C12orf42: variants seen among roughly 807,000 people sequenced by gnomAD.
C12orf42 encodes the protein chromosome 12 open reading frame 42.
Under a neutral mutation model 21.6 loss-of-function variants are expected in C12orf42, and 25 were observed. The ratio of observed to expected loss-of-function variants is 1.16; its 90% confidence interval spans 0.84 to 1.62. The LOEUF (loss-of-function observed/expected upper bound fraction) is 1.62, where lower values mean the gene tolerates loss of function less well. Ranked by LOEUF, C12orf42 falls within the 40% of genes most tolerant of loss-of-function variation. The pLI is 0.00. For synonymous variants in C12orf42, 174 were observed against 175.0 expected (o/e 0.99, Z 0.05); for missense variants, 483 against 459.3 (o/e 1.05, Z -0.47).
At chr12:103,375,516 T>C (rs2138063238) in intron 3 of C12orf42, among the ~76,000 whole-genome samples, 1 of 152,282 alleles carries the variant, frequency 6.6e-6, no homozygotes, top group East Asian at 1.9e-4. Flanking sequence ...AGTAAAGGAA[T>C]GTGCAGAAAG....
chr12:103,304,268 C>T (rs1566041208), intron 5 of C12orf42, among the ~76,000 whole-genome samples: 1 of 152,106 alleles, frequency 6.6e-6, no homozygotes, highest in Non-Finnish European at 1.5e-5. Flanking sequence ...TATTTGAATG[C>T]TCAGTATGTG....
At chr12:103,529,879 G>A in the C12orf42 span, among the ~76,000 whole-genome samples, 1 of 152,022 alleles carries the variant, frequency 6.6e-6, no homozygotes, top group East Asian at 1.9e-4. Context: ...CCTTTCAGCT[G>A]CCTTTCCTCC....
intron 2 of C12orf42, among the ~76,000 whole-genome samples, chr12:103,407,683 A>T (rs2048526537): frequency 1.3e-5 from 2 of 152,174 alleles, no homozygotes; most frequent in African/African-American, 4.8e-5. Context: ...GGGAGTCAAA[A>T]GTTATGCATG....
At chr12:103,421,135 T>A (rs1025743736) in intron 2 of C12orf42, among the ~76,000 whole-genome samples, 3 of 152,046 alleles carry the variant, frequency 2.0e-5, no homozygotes, top group African/African-American at 7.3e-5. Flanking sequence ...GCAACTTCTG[T>A]CTCACAGTGC....
chr12:103,345,323 G>A (rs998051008), intron 4 of C12orf42, among the ~76,000 whole-genome samples: 1 of 152,172 alleles, frequency 6.6e-6, no homozygotes, highest in Non-Finnish European at 1.5e-5. Flanking sequence ...GGATTCCTGT[G>A]AGGATCAAAT....
chr12:103,146,965 A>G, the C12orf42 span, among the ~76,000 whole-genome samples: 1 of 152,186 alleles, frequency 6.6e-6, no homozygotes, highest in Non-Finnish European at 1.5e-5. Flanking sequence ...CCTGAAGGCC[A>G]CTGAGGCATG....
intron 10 of C12orf42, among the ~76,000 whole-genome samples, chr12:103,261,139 G>A (rs2034879963): frequency 6.6e-6 from 1 of 151,970 alleles, no homozygotes; most frequent in Non-Finnish European, 1.5e-5. Flanking sequence ...AGAGCAATTG[G>A]TATAATTCCT....
chr12:103,415,565 A>G (rs1273896299), intron 2 of C12orf42, among the ~76,000 whole-genome samples: 1 of 152,184 alleles, frequency 6.6e-6, no homozygotes, highest in Non-Finnish European at 1.5e-5. Flanking sequence ...AAAAACTGAA[A>G]TCATACCAAG....
chr12:103,549,532 G>A, the C12orf42 span: 2 of 152,200 alleles, frequency 1.3e-5, no homozygotes, highest in African/African-American at 4.8e-5. Context: ...CTGACAGATA[G>A]ATGACTTTCT....
At chr12:103,197,420 G>C in the C12orf42 span, among the ~76,000 whole-genome samples, 1 of 151,942 alleles carries the variant, frequency 6.6e-6, no homozygotes. Flanking sequence ...GACCAGTTTG[G>C]GTCATTCATA....
chr12:103,368,189 T>C lies in C12orf42; in HGVS notation c.259+698A>G, dbSNP rs76543088. On this transcript the variant is annotated intron_variant, in intron 4 of 5. Coordinates refer to ENST00000548883, the MANE Select transcript of C12orf42 (RefSeq NM_198521.5). ...TTATGGGGAATATAACTAATACAAT[T>C]ATATATCTTTTGGGCTTGACACAAA... is the stretch of plus-strand genomic sequence containing the variant. 79 of 553,818 alleles carry C rather than the reference T, an allele frequency of 1.4e-4. No individual in the cohort carries two copies. In the East Asian group the frequency reaches 4.9e-3, roughly 34 times the overall value. 34.3% of individuals were successfully genotyped at this position (553,818 alleles called of 1,614,324 possible). A position where few individuals can be genotyped will look rare whatever the true frequency, so the allele number is the denominator to read the frequency against.
intron 10 of C12orf42, among the ~76,000 whole-genome samples, chr12:103,239,198 T>TATGTGTTTAA (rs2033608099): frequency 6.6e-6 from 1 of 152,216 alleles, no homozygotes; most frequent in African/African-American, 2.4e-5. Flanking sequence ...AGACTTAAAA[T>TATGTGTTTAA]ACTGCTTAAA....
the C12orf42 span, among the ~76,000 whole-genome samples, chr12:103,086,791 T>C: frequency 1.3e-5 from 2 of 152,218 alleles, 1 homozygote. Context: ...TTCTCAGTCT[T>C]CTTTCTAAGC....
intron 4 of C12orf42, among the ~76,000 whole-genome samples, chr12:103,338,348 T>C (rs2041899482): frequency 6.6e-6 from 1 of 152,198 alleles, no homozygotes; most frequent in African/African-American, 2.4e-5. Context: ...TGTTTTCAAT[T>C]TTCCTCTGAA....
At chr12:103,147,817 G>A in the C12orf42 span, among the ~76,000 whole-genome samples, 4 of 151,772 alleles carry the variant, frequency 2.6e-5, no homozygotes, top group African/African-American at 7.3e-5. Context: ...AGAACAAAAT[G>A]CCCAGAAACA....
the C12orf42 span, among the ~76,000 whole-genome samples, chr12:103,173,850 C>G: frequency 6.6e-6 from 1 of 152,170 alleles, no homozygotes; most frequent in Non-Finnish European, 1.5e-5. Context: ...TCAAGCATAC[C>G]CTCTATTTAC....
chr12:103,563,193 T>A, the C12orf42 span, among the ~76,000 whole-genome samples: 1 of 152,152 alleles, frequency 6.6e-6, no homozygotes, highest in African/African-American at 2.4e-5. Flanking sequence ...CAGTGAATCA[T>A]CTCTAAGTGC....
intron 10 of C12orf42, among the ~76,000 whole-genome samples, chr12:103,254,518 T>C (rs1259772387): frequency 6.6e-6 from 1 of 152,106 alleles, no homozygotes; most frequent in Non-Finnish European, 1.5e-5. Flanking sequence ...AACAGACACA[T>C]AGACCAGTGA....
chr12:103,456,735 T>C (rs1254867409), intron 2 of C12orf42, among the ~76,000 whole-genome samples: 2 of 152,194 alleles, frequency 1.3e-5, no homozygotes, highest in African/African-American at 4.8e-5. Context: ...GAGGCTTATA[T>C]GTAGACCTTA....
Sources: gnomAD v4.1 joint callset for allele counts (sites outside exome capture counted in the v4.1 genomes callset) on GRCh38, gnomAD v4.1.1 for gene constraint, MANE v1.5 for transcripts, NCBI Gene and HGNC (gene_info 2026-07-23, HGNC 2026-07-21) for gene names.